Variants in PODN observed in about 807,000 individuals in gnomAD.
PODN encodes podocan, also known as podocan proteoglycan.
PODN carries 40 observed loss-of-function variants against 52.7 expected under a neutral mutation model. That is an observed-to-expected ratio of 0.76 (90% confidence interval 0.59 to 0.99). The LOEUF is 0.99. Among genes scored for constraint, PODN ranks in the 50% least tolerant of loss-of-function variants. The probability of loss-of-function intolerance (pLI) is 0.00; values close to 1 mark genes in which losing one functional copy is unlikely to be tolerated. For missense variants in PODN, 720 were observed against 815.1 expected (o/e 0.88, Z 1.42); for synonymous variants, 396 against 377.9 (o/e 1.05, Z -0.56).
At chr1:53,071,494 C>T in intron 2 of PODN, 41 bp from the exon 3 acceptor site, 1 of 1,539,862 alleles carries the variant, frequency 6.5e-7, no homozygotes, top group Non-Finnish European at 8.9e-7. Flanking sequence ...GCACACCCCA[C>T]TAGGCTGATG....
At chr1:53,067,947 T>G (rs539250739) in intron 1 of PODN, among the ~76,000 whole-genome samples, 2 of 140,468 alleles carry the variant, frequency 1.4e-5, no homozygotes, top group East Asian at 4.2e-4. Context: ...CCCAGCAAGA[T>G]CTACAAGATC....
chr1:53,083,947 C>G (rs1644328607), intron 10 of PODN, among the ~76,000 whole-genome samples: 5 of 152,094 alleles, frequency 3.3e-5, no homozygotes, highest in Admixed American at 3.3e-4. Flanking sequence ...GAAGTAGGGC[C>G]TGGGACGAAG....
At chr1:53,077,576 G>A (rs966063746) in intron 6 of PODN, 109 bp from the exon 7 acceptor site, 42 of 1,223,060 alleles carry the variant, frequency 3.4e-5, no homozygotes, top group Admixed American at 2.2e-4. Context: ...CTTCAGGTCT[G>A]GGTGCCTTCC....
At chr1:53,073,391 A>T (rs1644148005) in intron 3 of PODN, 1 of 152,598 alleles carries the variant, frequency 6.6e-6, no homozygotes, top group Non-Finnish European at 1.5e-5. Flanking sequence ...CTATTGACAT[A>T]GTGATTGGTT....
chr1:53,074,760 C>T (rs1435631888), intron 4 of PODN, 90 bp downstream of exon 4: 25 of 1,261,380 alleles, frequency 2.0e-5, no homozygotes, highest in Non-Finnish European at 2.6e-5. Flanking sequence ...CAGGGCCTTT[C>T]TGGACTCCCT....
chr1:53,069,719 T>C, intron 1 of PODN, 82 bp from the exon 2 acceptor site: 1 of 1,498,418 alleles, frequency 6.7e-7, no homozygotes, highest in Non-Finnish European at 8.9e-7. Flanking sequence ...CTGAGGACAG[T>C]CCAGAGTGGG....
At chr1:53,080,680 G>A (rs552318040) in intron 8 of PODN, 48 bp from the exon 9 acceptor site, 2 of 1,591,460 alleles carry the variant, frequency 1.3e-6, no homozygotes, top group African/African-American at 2.7e-5. Flanking sequence ...AAGCTGTTAA[G>A]TGCTTTGCAC....
chr1:53,062,298 G>T lies in PODN; in HGVS notation c.-66G>T. ...GCCTGTGGGGCGCCGCTCGGCGCCG[G>T]GGCGCAGCAGGTACAGGGCGCTGGC... On this transcript the variant is annotated 5_prime_UTR_variant, in exon 1 of 11. Coordinates refer to ENST00000312553, the MANE Select transcript of PODN (RefSeq NM_153703.5). 1 of 1,255,816 alleles carries T rather than the reference G, an allele frequency of 8.0e-7. No homozygotes were observed. The highest frequency in any genetic ancestry group is 3.0e-5 in the East Asian group (1 of 32,972). The allele number at this position is 1,255,816 out of a possible 1,614,324, so 77.8% of individuals were successfully genotyped here.
intron 5 of PODN, 103 bp downstream of exon 5, chr1:53,076,074 C>T (rs1265770864): frequency 4.9e-6 from 5 of 1,014,566 alleles, no homozygotes; most frequent in African/African-American, 1.6e-5. Flanking sequence ...GAAGGAGGCC[C>T]TGCACTCAGG....
At chr1:53,065,922 A>G (rs1226524211) in intron 1 of PODN, among the ~76,000 whole-genome samples, 1 of 151,790 alleles carries the variant, frequency 6.6e-6, no homozygotes, top group African/African-American at 2.4e-5. Context: ...GCTGCAGACC[A>G]GCACTGTCCA....
intron 1 of PODN, among the ~76,000 whole-genome samples, chr1:53,069,307 G>A (rs1644076141): frequency 6.6e-6 from 1 of 152,224 alleles, no homozygotes; most frequent in Non-Finnish European, 1.5e-5. Flanking sequence ...CTGGAGGGAG[G>A]AGCTATTCAA....
At chr1:53,079,089 C>G (rs982133435) in intron 8 of PODN, 67 bp downstream of exon 8, 3 of 1,443,732 alleles carry the variant, frequency 2.1e-6, no homozygotes, top group South Asian at 1.4e-5. Context: ...GCCCTGAGCC[C>G]ACCTGTCTGA....
chr1:53,069,701 G>T (rs2150294596), intron 1 of PODN, 100 bp from the exon 2 acceptor site: 3 of 1,454,010 alleles, frequency 2.1e-6, no homozygotes, highest in East Asian at 5.1e-5. Context: ...TCAGTCATCG[G>T]CTGGGCTCTG....
chr1:53,077,394 G>A, intron 6 of PODN, 48 bp downstream of exon 6: 1 of 1,601,554 alleles, frequency 6.2e-7, no homozygotes, highest in South Asian at 1.1e-5. Context: ...CCACAGCCAG[G>A]GCACTGGGGC....
At chr1:53,065,227 A>T (rs1436274145) in intron 1 of PODN, among the ~76,000 whole-genome samples, 1 of 152,162 alleles carries the variant, frequency 6.6e-6, no homozygotes, top group Non-Finnish European at 1.5e-5. Flanking sequence ...GTGGAGGCAC[A>T]TGCCTGTAGT....
rs1239002537 is a variant in PODN, at chr1:53,082,188, G to A, written c.*27G>A. The A allele has an allele frequency of 6.4e-7, 1 of 1,564,200 alleles. No individual in the cohort carries two copies. The highest frequency in any genetic ancestry group is 1.3e-5 in the African/African-American group (1 of 74,200). On this transcript the variant is annotated splice_region_variant and 3_prime_UTR_variant, in exon 10 of 11. Transcript: ENST00000312553. ...GACAAGGTGATGCAGATGTGACCTA[G>A]GTATGTGGCCTGTATGGGGCAGCAC...
At chr1:53,062,410 T>C (rs1643971025) in intron 1 of PODN, 102 bp downstream of exon 1, 4 of 901,700 alleles carry the variant, frequency 4.4e-6, no homozygotes, top group Non-Finnish European at 5.8e-6. Flanking sequence ...AGCAGCTGCC[T>C]GGGGCGGGCC....
rs190088008 is a variant in PODN, at chr1:53,070,445, A to G, written c.312+278A>G. ...CAGGCTGGGCCCAGTAAGTCGAGCC[A>G]GGCTCTGTCTGAAAATGGACACAGA... is the stretch of plus-strand genomic sequence containing the variant. On this transcript the variant is annotated intron_variant, in intron 2 of 10. Transcript: ENST00000312553. Among the ~76,000 whole-genome samples, 465 of 152,364 alleles carry G rather than the reference A, an allele frequency of 3.1e-3. 4 individuals carry two copies. Among genetic ancestry groups the G allele is most frequent in the Non-Finnish European group, 4.2e-3 (288 of 68,042 alleles).
intron 10 of PODN, among the ~76,000 whole-genome samples, chr1:53,082,458 T>G (rs752461271): frequency 4.6e-5 from 7 of 152,110 alleles, no homozygotes; most frequent in African/African-American, 1.7e-4. Flanking sequence ...GGGTCGGGGC[T>G]CAGGAGTGAG....
Sources: allele counts gnomAD v4.1 joint callset (sites outside exome capture counted in the v4.1 genomes callset), GRCh38; gene constraint gnomAD v4.1.1; transcripts MANE v1.5; gene names NCBI Gene and HGNC (gene_info 2026-07-23, HGNC 2026-07-21).